Variants in AFG2A observed in about 807,000 individuals in gnomAD.
AFG2A encodes AAA ATPase AFG2A, also known as ATPase family gene 2 protein homolog A.
the AFG2A span, among the ~76,000 whole-genome samples, chr4:123,247,550 G>A: frequency 9.2e-5 from 14 of 151,676 alleles, no homozygotes; most frequent in Admixed American, 3.3e-4. Flanking sequence ...TGGGACTACA[G>A]GTGTGTGTAC....
At chr4:123,189,134 T>C in the AFG2A span, among the ~76,000 whole-genome samples, 7 of 152,230 alleles carry the variant, frequency 4.6e-5, no homozygotes, top group South Asian at 4.1e-4. Context: ...AGGTTCATTA[T>C]AAGTATATGA....
the AFG2A span, among the ~76,000 whole-genome samples, chr4:122,985,751 T>G: frequency 0.016 from 1,830 of 112,352 alleles, 42 homozygotes; most frequent in African/African-American, 0.059. Context: ...ATCTTTTGTA[T>G]TTTTTTTTTT....
the AFG2A span, among the ~76,000 whole-genome samples, chr4:123,262,616 T>C: frequency 6.6e-6 from 1 of 152,270 alleles, no homozygotes; most frequent in Non-Finnish European, 1.5e-5. Context: ...ATGAAACATC[T>C]GTACCATTTT....
At chr4:123,280,816 A>G in the AFG2A span, among the ~76,000 whole-genome samples, 2 of 152,152 alleles carry the variant, frequency 1.3e-5, no homozygotes, top group Non-Finnish European at 2.9e-5. Context: ...GACATGTAAC[A>G]TAACATATTC....
At chr4:122,950,485 G>A in the AFG2A span, among the ~76,000 whole-genome samples, 1 of 152,092 alleles carries the variant, frequency 6.6e-6, no homozygotes, top group Non-Finnish European at 1.5e-5. Context: ...GATTACAGGT[G>A]TGTACCACCA....
At chr4:123,117,291 A>G in the AFG2A span, among the ~76,000 whole-genome samples, 3 of 151,910 alleles carry the variant, frequency 2.0e-5, no homozygotes, top group African/African-American at 7.3e-5. Flanking sequence ...GCTCAGTCAC[A>G]ATAATTTGCA....
chr4:123,233,859 A>G, the AFG2A span, among the ~76,000 whole-genome samples: 1 of 152,048 alleles, frequency 6.6e-6, no homozygotes, highest in Non-Finnish European at 1.5e-5. Flanking sequence ...AAGCCAGCCC[A>G]GGCACATCTT....
the AFG2A span, among the ~76,000 whole-genome samples, chr4:123,150,447 G>A: frequency 6.5e-3 from 993 of 152,276 alleles, 12 homozygotes; most frequent in African/African-American, 0.023. Flanking sequence ...CAAAATCAAT[G>A]TGCAAAGATC....
chr4:123,266,615 T>C, the AFG2A span, among the ~76,000 whole-genome samples: 1 of 151,924 alleles, frequency 6.6e-6, no homozygotes. Context: ...CTGATTTATA[T>C]TTATAAACAT....
At chr4:123,127,385 C>T in the AFG2A span, among the ~76,000 whole-genome samples, 1 of 152,100 alleles carries the variant, frequency 6.6e-6, no homozygotes, top group African/African-American at 2.4e-5. Flanking sequence ...GGCAGTCAAA[C>T]CATAGTTCAT....
At chr4:122,997,239 A>G in the AFG2A span, among the ~76,000 whole-genome samples, 1 of 152,172 alleles carries the variant, frequency 6.6e-6, no homozygotes. Flanking sequence ...TATGGAATCA[A>G]GTAACCATCT....
chr4:123,187,504 G>A, the AFG2A span, among the ~76,000 whole-genome samples: 1 of 152,066 alleles, frequency 6.6e-6, no homozygotes, highest in African/African-American at 2.4e-5. Flanking sequence ...AATATATATG[G>A]AGACAATATA....
At chr4:123,282,111 G>T in the AFG2A span, among the ~76,000 whole-genome samples, 1 of 152,194 alleles carries the variant, frequency 6.6e-6, no homozygotes, top group East Asian at 1.9e-4. Flanking sequence ...GGCAGGCTGT[G>T]TGTATGTGAG....
chr4:123,013,485 C>T, the AFG2A span, among the ~76,000 whole-genome samples: 3 of 152,180 alleles, frequency 2.0e-5, no homozygotes, highest in Non-Finnish European at 4.4e-5. Context: ...TCTCAGCAAA[C>T]TAACACAGGA....
chr4:123,072,467 G>A, the AFG2A span, among the ~76,000 whole-genome samples: 2 of 152,038 alleles, frequency 1.3e-5, no homozygotes, highest in African/African-American at 4.8e-5. Context: ...GTAAACAAAT[G>A]GTTTATCAGA....
At chr4:123,161,075 C>A in the AFG2A span, among the ~76,000 whole-genome samples, 1 of 152,148 alleles carries the variant, frequency 6.6e-6, no homozygotes, top group Non-Finnish European at 1.5e-5. Flanking sequence ...TGTCTCAATT[C>A]TTGCATTGTA....
chr4:122,957,464 C>T, the AFG2A span, among the ~76,000 whole-genome samples: 2 of 152,162 alleles, frequency 1.3e-5, no homozygotes, highest in Non-Finnish European at 2.9e-5. Context: ...GACTATGTTC[C>T]AAGTGCTATA....
the AFG2A span, among the ~76,000 whole-genome samples, chr4:123,036,641 G>A: frequency 6.6e-6 from 1 of 152,120 alleles, no homozygotes; most frequent in Non-Finnish European, 1.5e-5. Flanking sequence ...GTAAATATGT[G>A]TAAATACACA....
the AFG2A span, among the ~76,000 whole-genome samples, chr4:123,224,062 A>T: frequency 6.6e-6 from 1 of 152,144 alleles, no homozygotes; most frequent in African/African-American, 2.4e-5. Context: ...TCATATGTTT[A>T]AATCTTTAAT....
Sources: gnomAD v4.1 joint callset for allele counts (sites outside exome capture counted in the v4.1 genomes callset) on GRCh38, gnomAD v4.1.1 for gene constraint, MANE v1.5 for transcripts, NCBI Gene and HGNC (gene_info 2026-07-23, HGNC 2026-07-21) for gene names.